CNDP1: variants seen among roughly 807,000 people sequenced by gnomAD.
CNDP1 encodes beta-Ala-His dipeptidase.
Under a neutral mutation model 58.1 loss-of-function variants are expected in CNDP1, and 44 were observed. The ratio of observed to expected loss-of-function variants is 0.76; its 90% CI spans 0.60 to 0.97. CNDP1 has a LOEUF of 0.97. Among genes scored for constraint, CNDP1 ranks in the 50% least tolerant of loss-of-function variants. The pLI is 0.00. For missense variants in CNDP1, 616 were observed against 655.1 expected (o/e 0.94, Z 0.65); for synonymous variants, 254 against 252.6 (o/e 1.01, Z -0.05).
intron 2 of CNDP1, among the ~76,000 whole-genome samples, chr18:74,556,793 G>A (rs974212836): frequency 3.3e-5 from 5 of 152,200 alleles, no homozygotes; most frequent in East Asian, 3.8e-4. Context: ...GCCACCTGAC[G>A]TTATTGTAAG....
intron 8 of CNDP1, 36 bp from the exon 9 acceptor site, chr18:74,578,127 A>C: frequency 6.3e-7 from 1 of 1,583,508 alleles, no homozygotes; most frequent in Non-Finnish European, 8.6e-7. Flanking sequence ...CTGGGTTCTA[A>C]TTAAGCATCC....
chr18:74,583,826 G>A, intron 11 of CNDP1, 118 bp downstream of exon 11: 3 of 1,005,822 alleles, frequency 3.0e-6, no homozygotes, highest in South Asian at 1.5e-5. Context: ...TCCAGACTGG[G>A]AGCTTAAAGA....
chr18:74,548,252 G>C (rs1232945124), intron 1 of CNDP1, among the ~76,000 whole-genome samples: 1 of 152,204 alleles, frequency 6.6e-6, no homozygotes, highest in Non-Finnish European at 1.5e-5. Context: ...TTGGGGCTTG[G>C]TGGGAGGTGT....
Position 74,584,861 on chromosome 18 carries a change from C to A in CNDP1, c.*299C>A. 3.3e-6 allele frequency: 1 copy of A among 301,080 alleles called. No homozygotes were observed. Among genetic ancestry groups the A allele is most frequent in the Non-Finnish European group, 6.2e-6 (1 of 160,564 alleles). The allele number at this position is 301,080 out of a possible 1,614,324, so 18.7% of individuals were successfully genotyped here. On this transcript the variant is annotated 3_prime_UTR_variant, in exon 12 of 12. Transcript: ENST00000358821. ...GATTGGATTCCTTCAAACCTTTTAG[C>A]ATATCTCCAACCTTGCAATTTGATT...
chr18:74,539,667 G>A (rs1004806998), intron 1 of CNDP1, among the ~76,000 whole-genome samples: 1 of 152,330 alleles, frequency 6.6e-6, no homozygotes, highest in Middle Eastern at 3.4e-3. Context: ...TATTGCAAGC[G>A]CGGTGGCCAT....
chr18:74,572,790 CAA>C (rs56059264), intron 7 of CNDP1, among the ~76,000 whole-genome samples: 1,334 of 60,086 alleles, frequency 0.022, 4 homozygotes, highest in Non-Finnish European at 0.026. Flanking sequence ...GACCCTGTAT[CAA>C]AAAAAAAAAA....
intron 11 of CNDP1, 145 bp downstream of exon 11, chr18:74,583,853 C>T: frequency 1.2e-6 from 1 of 808,970 alleles, no homozygotes; most frequent in Non-Finnish European, 2.0e-6. Flanking sequence ...ATTCATTCCT[C>T]ACAGTTCTGG....
At position 74,545,676 on chromosome 18, in the gene CNDP1, C is replaced by T. The variant is rs1463846707; in HGVS notation, c.25-10662C>T. 2.6e-5 allele frequency among the ~76,000 whole-genome samples: 4 copies of T among 152,154 alleles called. No individual in the cohort carries two copies. The highest frequency in any genetic ancestry group is 2.0e-4 in the Admixed American group (3 of 15,288). On this transcript the variant is annotated intron_variant, in intron 1 of 11. Coordinates refer to ENST00000358821, the MANE Select transcript of CNDP1 (RefSeq NM_032649.6). The surrounding 1 kb of genome is among the most constrained non-coding windows in gnomAD (Gnocchi z 4.1). The stretch of plus-strand genomic sequence containing the variant: ...GACCCTCCTCCTCCTCTCTGCTGTT[C>T]TGCGGCCGGAACATCTTAATTTCAC...
At chr18:74,560,289 C>T (rs1981155311) in intron 3 of CNDP1, among the ~76,000 whole-genome samples, 1 of 152,206 alleles carries the variant, frequency 6.6e-6, no homozygotes, top group Non-Finnish European at 1.5e-5. Flanking sequence ...GCTGGGATTA[C>T]AGGCATGAGC....
At chr18:74,570,511 G>A (rs1237908691) in intron 6 of CNDP1, among the ~76,000 whole-genome samples, 1 of 152,154 alleles carries the variant, frequency 6.6e-6, no homozygotes, top group Non-Finnish European at 1.5e-5. Context: ...GTGGAAGAAT[G>A]TGTTTGGCTA....
intron 7 of CNDP1, chr18:74,574,833 T>C (rs1184414296): frequency 6.6e-6 from 1 of 152,194 alleles, no homozygotes; most frequent in Non-Finnish European, 1.5e-5. Context: ...CCAAAGTGAC[T>C]GAGCCGTACT....
chr18:74,571,383 A>G (rs559608629), intron 7 of CNDP1, 113 bp downstream of exon 7: 1 of 700,138 alleles, frequency 1.4e-6, no homozygotes, highest in East Asian at 2.6e-5. Flanking sequence ...ACAAGGGTGT[A>G]GATGCTTAGA....
At chr18:74,578,404 C>T in intron 9 of CNDP1, 77 bp downstream of exon 9, 1 of 1,399,328 alleles carries the variant, frequency 7.1e-7, no homozygotes, top group Non-Finnish European at 9.8e-7. Context: ...GCTTAGTGAG[C>T]AGTGAGGTTG....
At chr18:74,564,148 ATT>A (rs957092059) in intron 5 of CNDP1, among the ~76,000 whole-genome samples, 3 of 152,184 alleles carry the variant, frequency 2.0e-5, no homozygotes, top group African/African-American at 7.2e-5. Flanking sequence ...CTCATGTTGC[ATT>A]TGTTAATCTG....
intron 1 of CNDP1, among the ~76,000 whole-genome samples, chr18:74,535,597 A>C (rs963910540): frequency 2.7e-4 from 2 of 7,468 alleles, no homozygotes; most frequent in Non-Finnish European, 6.9e-4. Context: ...TTTTTTTTAA[A>C]GAACCCATGA....
intron 5 of CNDP1, among the ~76,000 whole-genome samples, chr18:74,565,086 A>G (rs188727627): frequency 6.6e-6 from 1 of 152,316 alleles, no homozygotes; most frequent in African/African-American, 2.4e-5. Context: ...TAAATGAGGA[A>G]AAAGCAAAAG....
rs1343018548 is a variant in CNDP1 at position 74,570,484 on chromosome 18, T to C, written c.757-702T>C. On this transcript the variant is annotated intron_variant, in intron 6 of 11. Coordinates refer to ENST00000358821, the MANE Select transcript of CNDP1 (RefSeq NM_032649.6). ...TGGTCGTTTTATGACTGCCAAGTCCTCTGATAAGAACTGATAGTGGAAGAA... is the reference window on the plus strand; with the variant it reads ...TGGTCGTTTTATGACTGCCAAGTCCCCTGATAAGAACTGATAGTGGAAGAA... Among the ~76,000 whole-genome samples the C allele has an allele frequency of 3.3e-5, 5 of 152,116 alleles. No individual in the cohort carries two copies. The East Asian group carries it at 9.7e-4, about 29-fold the overall frequency.
chr18:74,581,201 G>A lies in CNDP1; in HGVS notation c.1309+930G>A, dbSNP rs951070448. The stretch of plus-strand genomic sequence containing the variant: ...CATTATATACAGGCAGGGCATCCCC[G>A]GAGAGCCACACCTATCCTGTGTGTG... On this transcript the variant is annotated intron_variant, in intron 10 of 11. Transcript: ENST00000358821. 3.4e-5 allele frequency among the ~76,000 whole-genome samples: 5 copies of A among 148,136 alleles called. No individual in the cohort carries two copies. In the East Asian group the frequency reaches 6.1e-4, roughly 18 times the overall value.
intron 2 of CNDP1, among the ~76,000 whole-genome samples, chr18:74,558,623 T>C (rs1055309151): frequency 5.3e-5 from 8 of 152,108 alleles, no homozygotes; most frequent in African/African-American, 1.9e-4. Flanking sequence ...CTGGATCTGC[T>C]GACCTCGTGA....
Sources: allele counts gnomAD v4.1 joint callset (sites outside exome capture counted in the v4.1 genomes callset), GRCh38; gene constraint gnomAD v4.1.1; non-coding constraint Gnocchi (gnomAD v3.1); transcripts MANE v1.5; gene names NCBI Gene and HGNC (gene_info 2026-07-23, HGNC 2026-07-21).